Variants in GATAD2A observed in about 807,000 individuals in gnomAD.
GATAD2A encodes the protein GATA zinc finger domain containing 2A.
In GATAD2A, 12 loss-of-function variants were observed where a neutral mutation model predicts 68.5. That is an observed-to-expected ratio of 0.18 (90% CI 0.11 to 0.28). The LOEUF is 0.28. GATAD2A is among the 10% of genes least tolerant of loss of function. The pLI is 1.00. For synonymous variants in GATAD2A, 410 were observed against 375.3 expected, an observed-to-expected ratio of 1.09 and a Z score of -1.07; for missense variants, 755 against 868.5, an observed-to-expected ratio of 0.87 and a Z score of 1.64.
At chr19:19,386,846 T>G (rs1404028357) in intron 1 of GATAD2A, among the ~76,000 whole-genome samples, 1 of 152,128 alleles carries the variant, frequency 6.6e-6, no homozygotes, top group Non-Finnish European at 1.5e-5. Flanking sequence ...TCCCCAACTC[T>G]TTGAGAATTC....
At chr19:19,436,645 T>A (rs934205302) in intron 1 of GATAD2A, among the ~76,000 whole-genome samples, 3 of 152,216 alleles carry the variant, frequency 2.0e-5, no homozygotes, top group African/African-American at 7.2e-5. Flanking sequence ...TTACCTTGCC[T>A]CGTGCCTCAT....
chr19:19,495,508 C>A (rs774808611), intron 5 of GATAD2A, among the ~76,000 whole-genome samples: 2 of 151,844 alleles, frequency 1.3e-5, no homozygotes, highest in African/African-American at 2.4e-5. Context: ...GGGGTTTCAC[C>A]ACGTTGGCCA....
intron 1 of GATAD2A, among the ~76,000 whole-genome samples, chr19:19,463,086 C>T (rs563382868): frequency 2.0e-5 from 3 of 152,242 alleles, no homozygotes; most frequent in African/African-American, 7.2e-5. Flanking sequence ...AAGCTTCATC[C>T]GTAGAGTGGG....
intron 2 of GATAD2A, among the ~76,000 whole-genome samples, chr19:19,487,211 C>T (rs1251369666): frequency 6.6e-6 from 1 of 152,204 alleles, no homozygotes; most frequent in Non-Finnish European, 1.5e-5. Flanking sequence ...GCTGGATACC[C>T]CCTTGCCCTT....
At chr19:19,452,073 G>T (rs1158298601) in intron 1 of GATAD2A, among the ~76,000 whole-genome samples, 1 of 152,346 alleles carries the variant, frequency 6.6e-6, no homozygotes, top group African/African-American at 2.4e-5. Flanking sequence ...CTGTGCATGC[G>T]TATGAGTGTG....
At chr19:19,431,635 A>G (rs1224041306) in intron 1 of GATAD2A, among the ~76,000 whole-genome samples, 1 of 150,162 alleles carries the variant, frequency 6.7e-6, no homozygotes, top group Non-Finnish European at 1.5e-5. Flanking sequence ...CAGAGGTTGC[A>G]GTGAGCCGAG....
Position 19,505,517 on chromosome 19 carries a change from C to T in GATAD2A, c.*43C>T. ...GGAAGACGGGCTCCCTCCTCCCCCACCTGGCCCCTGGTCTAGAAGGACCCA... is the reference window on the plus strand; with the variant it reads ...GGAAGACGGGCTCCCTCCTCCCCCATCTGGCCCCTGGTCTAGAAGGACCCA... On this transcript the variant is annotated 3_prime_UTR_variant, in exon 12 of 12. Transcript: ENST00000683918. The T allele has an allele frequency of 2.6e-6, 4 of 1,529,836 alleles. No individual in the cohort carries two copies. The highest frequency in any genetic ancestry group is 3.5e-6 in the Non-Finnish European group (4 of 1,136,598). The allele number at this position is 1,529,836 out of a possible 1,614,324, so 94.8% of individuals were successfully genotyped here.
At chr19:19,468,807 A>G (rs533335353) in intron 2 of GATAD2A, among the ~76,000 whole-genome samples, 1 of 152,360 alleles carries the variant, frequency 6.6e-6, no homozygotes, top group East Asian at 1.9e-4. Flanking sequence ...CAGCCTGAAA[A>G]TAAATGACAC....
chr19:19,440,157 A>G (rs777630394), intron 1 of GATAD2A: 9 of 417,936 alleles, frequency 2.2e-5, no homozygotes, highest in Non-Finnish European at 3.8e-5. Context: ...TTGAAATGAC[A>G]AGCAGAAAAA....
intron 1 of GATAD2A, among the ~76,000 whole-genome samples, chr19:19,439,258 C>T (rs1301530432): frequency 6.6e-6 from 1 of 152,230 alleles, no homozygotes; most frequent in Non-Finnish European, 1.5e-5. Context: ...GTCAGGTCCT[C>T]TTTGTTAAGC....
intron 1 of GATAD2A, among the ~76,000 whole-genome samples, chr19:19,407,965 G>T (rs911577373): frequency 6.6e-6 from 1 of 152,182 alleles, no homozygotes; most frequent in African/African-American, 2.4e-5. Context: ...TCTTGGAAGG[G>T]CTATAGAGAA....
chr19:19,419,413 G>T (rs1478081063), intron 1 of GATAD2A, among the ~76,000 whole-genome samples: 1 of 152,102 alleles, frequency 6.6e-6, no homozygotes, highest in Non-Finnish European at 1.5e-5. Flanking sequence ...TCTACAGCTG[G>T]GCTCAGTCCT....
chr19:19,437,619 C>G lies in GATAD2A; in HGVS notation c.-6-27721C>G, dbSNP rs148286564. 5.2e-3 allele frequency among the ~76,000 whole-genome samples: 798 copies of G among 152,246 alleles called. 6 individuals are homozygous for G. The highest frequency in any genetic ancestry group is 0.04 in the South Asian group (194 of 4,802). ...TCCCCCTCCCCTTTCTACTGATGAC[C>G]TCTAATCTACTTTCTGTTGATTTGC... On this transcript the variant is annotated intron_variant, in intron 1 of 11. Coordinates refer to ENST00000683918, the MANE Select transcript of GATAD2A (RefSeq NM_001384528.1).
chr19:19,443,926 C>A (rs1460869161), intron 1 of GATAD2A, among the ~76,000 whole-genome samples: 3 of 152,036 alleles, frequency 2.0e-5, no homozygotes, highest in Non-Finnish European at 4.4e-5. Context: ...CGTGGCCTGT[C>A]AGCCCACCAG....
At chr19:19,429,265 C>T (rs2053458632) in intron 1 of GATAD2A, 1 of 982,022 alleles carries the variant, frequency 1.0e-6, no homozygotes, top group Non-Finnish European at 1.2e-6. Context: ...GGGGGGAGAG[C>T]TTGCCTGAGT....
At chr19:19,465,750 G>C in intron 2 of GATAD2A, 136 bp downstream of exon 2, 1 of 1,037,990 alleles carries the variant, frequency 9.6e-7, no homozygotes, top group Non-Finnish European at 1.4e-6. Context: ...CTCAGCTCGG[G>C]CATCACCCAC....
rs60847535 is a variant in GATAD2A, at chr19:19,505,655, A to G, written c.*181A>G. Reference sequence around the variant, plus strand: ...TTGGCTGCAAAGTTTCATCAGGGCTAGGGGGCTGGTGCCGCCTCATAGGCA... The same window carrying G: ...TTGGCTGCAAAGTTTCATCAGGGCTGGGGGGCTGGTGCCGCCTCATAGGCA... On this transcript the variant is annotated 3_prime_UTR_variant, in exon 12 of 12. Transcript: ENST00000683918. The G allele has an allele frequency of 2.1e-3, 1,170 of 554,512 alleles. 11 individuals carry two copies. The African/African-American group carries it at 0.021, about 10-fold the overall frequency. The allele number at this position is 554,512 out of a possible 1,614,324, so 34.3% of individuals were successfully genotyped here.
At chr19:19,414,145 A>G (rs1441298768) in intron 1 of GATAD2A, among the ~76,000 whole-genome samples, 2 of 152,192 alleles carry the variant, frequency 1.3e-5, no homozygotes, top group African/African-American at 4.8e-5. Context: ...ATATTAACAT[A>G]TACTGAGTAT....
At chr19:19,411,727 G>A (rs1568709262) in intron 1 of GATAD2A, among the ~76,000 whole-genome samples, 1 of 152,170 alleles carries the variant, frequency 6.6e-6, no homozygotes, top group Non-Finnish European at 1.5e-5. Context: ...ATGCTGTGAG[G>A]ACAAGTGGAA....
Sources: allele counts gnomAD v4.1 joint callset (sites outside exome capture counted in the v4.1 genomes callset), GRCh38; gene constraint gnomAD v4.1.1; transcripts MANE v1.5; gene names NCBI Gene and HGNC (gene_info 2026-07-23, HGNC 2026-07-21).